CENPO: variants seen among roughly 807,000 people sequenced by gnomAD.
The protein encoded by CENPO is centromere protein O.
In CENPO, 30 loss-of-function variants were observed where a neutral mutation model predicts 36.1. The observed-to-expected ratio is 0.83, with a 90% CI of 0.62 to 1.13. The LOEUF (loss-of-function observed/expected upper bound fraction) is 1.13. Ranked by LOEUF, CENPO falls within the 50% of genes most tolerant of loss-of-function variation. CENPO has a pLI of 0.00. For synonymous variants in CENPO, 171 were observed against 142.3 expected, an observed-to-expected ratio of 1.20 and a Z score of -1.44; for missense variants, 349 against 357.8, an observed-to-expected ratio of 0.98 and a Z score of 0.20.
Position 24,821,909 on chromosome 2 carries a change from C to T in CENPO, c.*2591C>T. 1 of 418,348 alleles carries T rather than the reference C, an allele frequency of 2.4e-6. No homozygotes were observed. The highest frequency in any genetic ancestry group is 4.3e-6 in the Non-Finnish European group (1 of 231,298). The allele number at this position is 418,348 out of a possible 1,614,324, so 25.9% of individuals were successfully genotyped here. On this transcript the variant is annotated 3_prime_UTR_variant, in exon 8 of 8. Coordinates refer to ENST00000380834, the MANE Select transcript of CENPO (RefSeq NM_001322101.2). Reference sequence around the variant, plus strand: ...CACGAGGCGGACCCCTTCACCTTGGCTGGGCCTGGTCCTGGTCCTTAGGTT... The same window carrying T: ...CACGAGGCGGACCCCTTCACCTTGGTTGGGCCTGGTCCTGGTCCTTAGGTT...
At position 24,814,334 on chromosome 2, in the gene CENPO, GTACCTCT is replaced by G. The variant is rs754318041; in HGVS notation, c.217-40_217-34del. 5.3e-6 allele frequency: 5 copies of G among 951,528 alleles called. No homozygotes were observed. The African/African-American group carries it at 8.0e-5, about 15-fold the overall frequency. 58.9% of individuals were successfully genotyped at this position (951,528 alleles called of 1,614,324 possible). On this transcript the variant is annotated intron_variant, in intron 3 of 7. Coordinates refer to ENST00000380834, the MANE Select transcript of CENPO (RefSeq NM_001322101.2). ...TGGGGGAGGGCGGGGATGTTGTAGT[GTACCTCT>G]TTGTACCAAGATTGATTTGCTGCAT...
At position 24,796,078 on chromosome 2, in the gene CENPO, G is replaced by A. The variant is rs533054375; in HGVS notation, c.46+2113G>A. 9.7e-4 allele frequency among the ~76,000 whole-genome samples: 147 copies of A among 152,042 alleles called. 1 individual carries two copies. The highest frequency in any genetic ancestry group is 3.3e-3 in the African/African-American group (137 of 41,466). ...GGTAAACATTTCCGGAGTGTTGGCC[G>A]GGCGCGGTGGCTCACACCTGTAATC... On this transcript the variant is annotated intron_variant, in intron 2 of 7. Coordinates refer to ENST00000380834, the MANE Select transcript of CENPO (RefSeq NM_001322101.2).
At chr2:24,807,808 T>A (rs2148273458) in intron 3 of CENPO, among the ~76,000 whole-genome samples, 1 of 152,378 alleles carries the variant, frequency 6.6e-6, no homozygotes, top group Non-Finnish European at 1.5e-5. Context: ...TTGTCAGTTT[T>A]AAAAATTTGT....
intron 2 of CENPO, among the ~76,000 whole-genome samples, chr2:24,799,163 A>G (rs1666049852): frequency 6.6e-6 from 1 of 151,646 alleles, no homozygotes; most frequent in Admixed American, 6.6e-5. Flanking sequence ...TGCCCGGCTA[A>G]TTTTTTGTAT....
At chr2:24,799,569 C>G (rs899318447) in intron 2 of CENPO, 106 bp from the exon 3 acceptor site, 4 of 814,142 alleles carry the variant, frequency 4.9e-6, no homozygotes, top group Non-Finnish European at 7.4e-6. Flanking sequence ...CCACAAAGTT[C>G]TGGTAAAAAA....
Position 24,819,952 on chromosome 2 carries a change from G to C in CENPO, c.*634G>C. ...GCCATTCAGGAGTTGTCCACCACCT[G>C]GTGGGGCAGTGTGACAGAGGGGCCA... On this transcript the variant is annotated 3_prime_UTR_variant, in exon 8 of 8. Coordinates refer to ENST00000380834, the MANE Select transcript of CENPO (RefSeq NM_001322101.2). 1 of 1,613,892 alleles carries C rather than the reference G, an allele frequency of 6.2e-7. No individual in the cohort carries two copies. The highest frequency in any genetic ancestry group is 8.5e-7 in the Non-Finnish European group (1 of 1,179,912).
Position 24,821,055 on chromosome 2 carries a change from C to CA in CENPO, c.*1737_*1738insA, listed in dbSNP as rs1358836028. On this transcript the variant is annotated 3_prime_UTR_variant, in exon 8 of 8. Coordinates refer to ENST00000380834, the MANE Select transcript of CENPO (RefSeq NM_001322101.2). ...GTTAGGTGTCAGCCGCCACCCCCCC[C>CA]CCATATGCAGATTTACTCGGCATGG... 2 of 651,284 alleles carry CA rather than the reference C, an allele frequency of 3.1e-6. No homozygotes were observed. Among genetic ancestry groups the CA allele is most frequent in the African/African-American group, 3.7e-5 (2 of 53,658 alleles). 40.3% of individuals were successfully genotyped at this position (651,284 alleles called of 1,614,324 possible). A position where few individuals can be genotyped will look rare whatever the true frequency, so the allele number is the denominator to read the frequency against.
chr2:24,809,039 T>A (rs890179647), intron 3 of CENPO, among the ~76,000 whole-genome samples: 2 of 152,224 alleles, frequency 1.3e-5, no homozygotes, highest in Non-Finnish European at 2.9e-5. Context: ...CATAAGCTGT[T>A]CAGATTTCCT....
rs557527664 is a variant in CENPO at position 24,793,962 on chromosome 2, G to A, written c.43G>A (p.Gly15Arg). 1.2e-6 allele frequency: 2 copies of A among 1,612,924 alleles called. No homozygotes were observed. Among genetic ancestry groups the A allele is most frequent in the Non-Finnish European group, 1.7e-6 (2 of 1,179,208 alleles). ...TTTACGTCCAGATGGCGAGTCCAAAGGAGGTATTCAGAGGGTCGCCGCCTC... is the reference window on the plus strand; with the variant it reads ...TTTACGTCCAGATGGCGAGTCCAAAAGAGGTATTCAGAGGGTCGCCGCCTC... Reference protein sequence around the residue: ...NPLRPDGESKGGVLAHLERLE... With the variant: ...NPLRPDGESKRGVLAHLERLE... The change falls in exon 2 of 8, where the codon GGA becomes AGA. Residue 15 changes from glycine (G) to arginine (R), a missense_variant. Transcript: ENST00000380834.
rs976404739 is a variant in CENPO at position 24,819,336 on chromosome 2, T to C, written c.*36-18T>C. 1 of 152,644 alleles carries C rather than the reference T, an allele frequency of 6.6e-6. No homozygotes were observed. The highest frequency in any genetic ancestry group is 6.5e-5 in the Admixed American group (1 of 15,278). 9.5% of individuals were successfully genotyped at this position (152,644 alleles called of 1,614,324 possible). On this transcript the variant is annotated intron_variant, in intron 7 of 7. Transcript: ENST00000380834. Reference sequence around the variant, plus strand: ...AAAATATAAATGTAGAAGATCTGTTTATATATTTTTCTTTCAGAAATAAAT... The same window carrying C: ...AAAATATAAATGTAGAAGATCTGTTCATATATTTTTCTTTCAGAAATAAAT...
chr2:24,821,727 T>C lies in CENPO; in HGVS notation c.*2409T>C. On this transcript the variant is annotated 3_prime_UTR_variant, in exon 8 of 8. Transcript: ENST00000380834. The stretch of plus-strand genomic sequence containing the variant: ...GCCTTCCCTGGCAGTGTTCTGGGGG[T>C]GGATTCCCTACACCTAGATGTTCAA... 6.4e-7 allele frequency: 1 copy of C among 1,551,140 alleles called. No individual in the cohort carries two copies. Among genetic ancestry groups the C allele is most frequent in the Non-Finnish European group, 8.7e-7 (1 of 1,147,476 alleles).
intron 2 of CENPO, among the ~76,000 whole-genome samples, chr2:24,799,288 G>A (rs948845885): frequency 1.4e-4 from 22 of 152,108 alleles, no homozygotes; most frequent in Non-Finnish European, 2.4e-4. Flanking sequence ...GTGAGCCACC[G>A]CCCTCGGCTG....
chr2:24,809,773 A>G (rs555062693), intron 3 of CENPO, among the ~76,000 whole-genome samples: 2 of 152,160 alleles, frequency 1.3e-5, no homozygotes, highest in Admixed American at 6.5e-5. Flanking sequence ...ATGACTCAGC[A>G]TGTGGTCAGT....
Position 24,821,820 on chromosome 2 carries a change from T to TCA in CENPO, c.*2504_*2505dup. 1.1e-6 allele frequency: 1 copy of TCA among 871,010 alleles called. No homozygotes were observed. The allele number at this position is 871,010 out of a possible 1,614,324, so 54.0% of individuals were successfully genotyped here. The stretch of plus-strand genomic sequence containing the variant: ...CTCTGACTTGCCACTGTGACAAAGT[T>TCA]CACGTAGCAGGTCTAGGCAAAGACT... On this transcript the variant is annotated 3_prime_UTR_variant, in exon 8 of 8. Coordinates refer to ENST00000380834, the MANE Select transcript of CENPO (RefSeq NM_001322101.2).
chr2:24,817,385 T>G (rs137888672), intron 6 of CENPO, among the ~76,000 whole-genome samples: 15 of 151,610 alleles, frequency 9.9e-5, no homozygotes, highest in Non-Finnish European at 2.2e-4. Flanking sequence ...ACCATCGGTC[T>G]TTGATTTCTC....
rs114831158 is a variant in CENPO at position 24,813,938 on chromosome 2, G to C, written c.217-438G>C. On this transcript the variant is annotated intron_variant, in intron 3 of 7. Transcript: ENST00000380834. The stretch of plus-strand genomic sequence containing the variant: ...TATCCAGCTTGCATAGTTGTTCTCA[G>C]AGGGCGGGTCAGCCTGGTACCTTCT... Among the ~76,000 whole-genome samples, 1,388 of 152,310 alleles carry C rather than the reference G, an allele frequency of 9.1e-3. 22 individuals are homozygous for C. Among genetic ancestry groups the C allele is most frequent in the African/African-American group, 0.032 (1,325 of 41,564 alleles).
intron 2 of CENPO, among the ~76,000 whole-genome samples, chr2:24,794,969 CAG>C (rs1012744671): frequency 2.0e-4 from 30 of 152,172 alleles, no homozygotes; most frequent in African/African-American, 7.2e-4. Context: ...TCATTGATAA[CAG>C]AGAAGTAACT....
chr2:24,820,216 T>TC lies in CENPO; in HGVS notation c.*901dup. On this transcript the variant is annotated 3_prime_UTR_variant, in exon 8 of 8. Coordinates refer to ENST00000380834, the MANE Select transcript of CENPO (RefSeq NM_001322101.2). Reference sequence around the variant, plus strand: ...TTGGAGCCGAGCACTGATCCATGGGTCCCAAGCAGTACGGGACACTCCCCA... The same window carrying TC: ...TTGGAGCCGAGCACTGATCCATGGGTCCCCAAGCAGTACGGGACACTCCCCA... 1 of 1,234,646 alleles carries TC rather than the reference T, an allele frequency of 8.1e-7. No homozygotes were observed. The highest frequency in any genetic ancestry group is 1.1e-6 in the Non-Finnish European group (1 of 911,640). 76.5% of individuals were successfully genotyped at this position (1,234,646 alleles called of 1,614,324 possible).
chr2:24,799,605 T>A, intron 2 of CENPO, 70 bp from the exon 3 acceptor site: 3 of 1,285,416 alleles, frequency 2.3e-6, no homozygotes, highest in South Asian at 1.4e-5. Flanking sequence ...TGTTCTTCCC[T>A]GAGATGCTTC....
Sources: gnomAD v4.1 joint callset for allele counts (sites outside exome capture counted in the v4.1 genomes callset) on GRCh38, gnomAD v4.1.1 for gene constraint, MANE v1.5 for transcripts, NCBI Gene and HGNC (gene_info 2026-07-23, HGNC 2026-07-21) for gene names.